MCU: variants seen among roughly 807,000 people sequenced by gnomAD.
MCU encodes calcium uniporter protein, mitochondrial.
A neutral mutation model predicts 45.2 loss-of-function variants in MCU; 12 were observed. The ratio of observed to expected loss-of-function variants is 0.27; its 90% confidence interval spans 0.17 to 0.43. The LOEUF is 0.43. MCU is among the 20% of genes least tolerant of loss of function. The pLI, the probability that MCU is intolerant of heterozygous loss-of-function variation, is 1.00. For synonymous variants in MCU, 160 were observed against 165.1 expected (o/e 0.97, Z 0.24); for missense variants, 324 against 436.7 (o/e 0.74, Z 2.30).
chr10:72,800,081 C>T (rs12779026), intron 1 of MCU, among the ~76,000 whole-genome samples: 94,901 of 152,042 alleles, frequency 0.62, 31,153 homozygotes, highest in African/African-American at 0.72. Context: ...ATGTAACATG[C>T]TGCAGTCAAA....
intron 1 of MCU, among the ~76,000 whole-genome samples, chr10:72,759,418 A>G (rs140085137): frequency 1.1e-3 from 171 of 152,254 alleles, no homozygotes; most frequent in African/African-American, 3.9e-3. Flanking sequence ...GTCTTTAACT[A>G]CCAGGCCCAG....
intron 4 of MCU, among the ~76,000 whole-genome samples, chr10:72,868,243 T>C (rs1055167283): frequency 5.9e-5 from 9 of 152,200 alleles, no homozygotes; most frequent in African/African-American, 2.2e-4. Flanking sequence ...TGTGGACAAC[T>C]TTTTTGTTTT....
At chr10:72,760,829 G>A (rs1415870668) in intron 1 of MCU, among the ~76,000 whole-genome samples, 1 of 149,324 alleles carries the variant, frequency 6.7e-6, no homozygotes, top group East Asian at 1.9e-4. Flanking sequence ...TGCGATTACA[G>A]GCATGAGCCA....
chr10:72,816,430 G>A (rs1589476775), intron 1 of MCU, among the ~76,000 whole-genome samples: 1 of 152,146 alleles, frequency 6.6e-6, no homozygotes, highest in East Asian at 1.9e-4. Flanking sequence ...GTAATTGAAA[G>A]CTGTTCCTTT....
chr10:72,848,660 T>C (rs1845158899), intron 2 of MCU, among the ~76,000 whole-genome samples: 1 of 152,166 alleles, frequency 6.6e-6, no homozygotes, highest in Admixed American at 6.5e-5. Context: ...CAGGCAAGAA[T>C]TATAGAGAGC....
At chr10:72,692,593 T>C (rs2132637643) in intron 1 of MCU, 1 of 1,096,660 alleles carries the variant, frequency 9.1e-7, no homozygotes, top group Non-Finnish European at 1.1e-6. Context: ...TCTCCCCGAC[T>C]CGCCCCCAAT....
In MCU at chr10:72,729,395, A is replaced by C. The variant is rs1001996046; in HGVS notation, c.150+37094A>C. Among the ~76,000 whole-genome samples, 4 of 152,208 alleles carry C rather than the reference A, an allele frequency of 2.6e-5. No individual in the cohort carries two copies. In the East Asian group the frequency reaches 7.7e-4, roughly 29 times the overall value. ...TGAGGCAGGAGAATTACTTGAACCC[A>C]AGAGGCAGAGGCTGCCGTGAGCCGA... On this transcript the variant is annotated intron_variant, in intron 1 of 7. Coordinates refer to ENST00000373053, the MANE Select transcript of MCU (RefSeq NM_138357.3).
intron 4 of MCU, among the ~76,000 whole-genome samples, chr10:72,865,518 AAC>A (rs1206881539): frequency 3.9e-5 from 6 of 152,114 alleles, no homozygotes; most frequent in African/African-American, 1.4e-4. Flanking sequence ...TAAATCCATA[AAC>A]AGTTTGTTTT....
intron 1 of MCU, among the ~76,000 whole-genome samples, chr10:72,786,692 G>A (rs1844076453): frequency 6.6e-6 from 1 of 152,184 alleles, no homozygotes; most frequent in African/African-American, 2.4e-5. Flanking sequence ...GTTGCAATGA[G>A]CCGAGATTGT....
chr10:72,731,604 T>G (rs183981098), intron 1 of MCU, among the ~76,000 whole-genome samples: 2 of 152,292 alleles, frequency 1.3e-5, no homozygotes, highest in African/African-American at 4.8e-5. Context: ...ACAATCCATG[T>G]TTAGCAATCA....
chr10:72,736,500 C>A (rs753881113), intron 1 of MCU: 1 of 152,140 alleles, frequency 6.6e-6, no homozygotes, highest in African/African-American at 2.4e-5. Flanking sequence ...TCTGTTATAT[C>A]CCCCAGAGAC....
In MCU at chr10:72,788,493, G is replaced by A. The variant is rs185638567; in HGVS notation, c.151-45866G>A. Among the ~76,000 whole-genome samples, 11 of 152,334 alleles carry A rather than the reference G, an allele frequency of 7.2e-5. No individual in the cohort carries two copies. In the East Asian group the frequency reaches 2.1e-3, roughly 29 times the overall value. On this transcript the variant is annotated intron_variant, in intron 1 of 7. Coordinates refer to ENST00000373053, the MANE Select transcript of MCU (RefSeq NM_138357.3). ...TTAAGAAACATAGCCAGGTATGGTAGTGCGTGCCTGTAGTCCCAGCTACAC... is the reference window on the plus strand; with the variant it reads ...TTAAGAAACATAGCCAGGTATGGTAATGCGTGCCTGTAGTCCCAGCTACAC...
At chr10:72,856,710 C>T (rs1213514871) in intron 2 of MCU, among the ~76,000 whole-genome samples, 3 of 145,900 alleles carry the variant, frequency 2.1e-5, no homozygotes, top group Non-Finnish European at 4.5e-5. Flanking sequence ...CAAGGTGGGT[C>T]GCTGCTCAAG....
Position 72,776,010 on chromosome 10 carries a change from T to TA in MCU, c.151-58349_151-58348insA, listed in dbSNP as rs771586160. ...TGAGACCCTGTCTCTACAAAAACAG[T>TA]TTTAAAAAATAGTTGGATTTGGTGG... is the stretch of plus-strand genomic sequence containing the variant. On this transcript the variant is annotated intron_variant, in intron 1 of 7. Coordinates refer to ENST00000373053, the MANE Select transcript of MCU (RefSeq NM_138357.3). Among the ~76,000 whole-genome samples, 986 of 151,532 alleles carry TA rather than the reference T, an allele frequency of 6.5e-3. 7 individuals are homozygous for TA. Among genetic ancestry groups the TA allele is most frequent in the Non-Finnish European group, 0.012 (829 of 67,820 alleles).
chr10:72,779,660 G>A (rs1316245701), intron 1 of MCU, among the ~76,000 whole-genome samples: 1 of 152,134 alleles, frequency 6.6e-6, no homozygotes, highest in African/African-American at 2.4e-5. Context: ...TGTATAAATG[G>A]CCAGTTAGCA....
At chr10:72,849,189 G>A (rs945234461) in intron 2 of MCU, among the ~76,000 whole-genome samples, 4 of 151,354 alleles carry the variant, frequency 2.6e-5, no homozygotes, top group African/African-American at 9.7e-5. Context: ...GCTGAGGCAG[G>A]AGAATCGCTT....
chr10:72,795,359 A>G (rs1419910564), intron 1 of MCU, among the ~76,000 whole-genome samples: 1 of 152,172 alleles, frequency 6.6e-6, no homozygotes, highest in Non-Finnish European at 1.5e-5. Flanking sequence ...TCCCACTTCC[A>G]GTAATATTGA....
At chr10:72,849,354 G>A (rs1275072500) in intron 2 of MCU, among the ~76,000 whole-genome samples, 2 of 151,890 alleles carry the variant, frequency 1.3e-5, no homozygotes, top group African/African-American at 4.8e-5. Flanking sequence ...CTGGCTCTAT[G>A]AATAGTCAAG....
chr10:72,877,939 G>A (rs1845640991), intron 6 of MCU, among the ~76,000 whole-genome samples: 1 of 152,030 alleles, frequency 6.6e-6, no homozygotes, highest in Non-Finnish European at 1.5e-5. Flanking sequence ...TTCAGGTACT[G>A]TAGCTCATCT....
Sources: allele counts gnomAD v4.1 joint callset (sites outside exome capture counted in the v4.1 genomes callset), GRCh38; gene constraint gnomAD v4.1.1; transcripts MANE v1.5; gene names NCBI Gene and HGNC (gene_info 2026-07-23, HGNC 2026-07-21).